Variants in TMEM237 observed in about 807,000 individuals in gnomAD.
TMEM237 encodes the protein transmembrane protein 237.
TMEM237 carries 51 observed loss-of-function variants against 59.1 expected under a neutral mutation model. The observed-to-expected ratio is 0.86, with a 90% CI of 0.69 to 1.09. TMEM237 has a LOEUF of 1.09. TMEM237 is among the 50% of genes least tolerant of loss of function. The pLI is 0.00. For missense variants in TMEM237, 475 were observed against 478.3 expected, an observed-to-expected ratio of 0.99 and a Z score of 0.06; for synonymous variants, 140 against 166.1, an observed-to-expected ratio of 0.84 and a Z score of 1.21.
rs975572783 is a variant in TMEM237, at chr2:201,635,111, C to T, written c.274+1637G>A. On this transcript the variant is annotated intron_variant, in intron 5 of 12. Transcript: ENST00000409883. The surrounding 1 kb of genome is among the most constrained non-coding windows in gnomAD (Gnocchi z 4.5). ...AAAATTTTAAAAATCATACTTCCTC[C>T]TTCTAAAACTTCTACCACTGTAACA... Among the ~76,000 whole-genome samples, 17 of 152,194 alleles carry T rather than the reference C, an allele frequency of 1.1e-4. No individual in the cohort carries two copies. Among genetic ancestry groups the T allele is most frequent in the African/African-American group, 3.9e-4 (16 of 41,536 alleles).
intron 2 of TMEM237, 103 bp from the exon 3 acceptor site, chr2:201,640,368 A>C: frequency 2.7e-6 from 3 of 1,114,396 alleles, no homozygotes; most frequent in Non-Finnish European, 3.7e-6. Context: ...AAATTGACTT[A>C]AATCATTACA....
Position 201,642,658 on chromosome 2 carries a change from C to T in TMEM237, c.42+701G>A, listed in dbSNP as rs1171330669. On this transcript the variant is annotated intron_variant, in intron 1 of 12. Transcript: ENST00000409883. Reference sequence around the variant, plus strand: ...TTTAGCCGGCCTCGGCGGCCGCCGGCCCCCAAGCACCTGGCGCCCCACCCC... The same window carrying T: ...TTTAGCCGGCCTCGGCGGCCGCCGGTCCCCAAGCACCTGGCGCCCCACCCC... The T allele has an allele frequency of 1.9e-6, 3 of 1,607,352 alleles. No homozygotes were observed. The African/African-American group carries it at 4.0e-5, about 22-fold the overall frequency.
In TMEM237 at chr2:201,641,072, G is replaced by C. The variant is rs964026780; in HGVS notation, c.43-148C>G. 36 of 572,322 alleles carry C rather than the reference G, an allele frequency of 6.3e-5. 2 individuals carry two copies. In the Admixed American group the frequency reaches 1.0e-3, roughly 16 times the overall value. The allele number at this position is 572,322 out of a possible 1,614,324, so 35.5% of individuals were successfully genotyped here. A position where few individuals can be genotyped will look rare whatever the true frequency, so the allele number is the denominator to read the frequency against. ...AACGGCACGATCTTGGCTCACTGCA[G>C]CTTCCATCTCCTGGGTTCAAGCAAT... On this transcript the variant is annotated intron_variant, in intron 1 of 12. Transcript: ENST00000409883.
intron 2 of TMEM237, 145 bp downstream of exon 2, chr2:201,640,748 C>T (rs535221692): frequency 1.6e-6 from 1 of 633,456 alleles, no homozygotes; most frequent in Admixed American, 3.2e-5. Context: ...GGATTTTTCA[C>T]CTTTAAAATT....
Position 201,621,017 on chromosome 2 carries a change from G to A in TMEM237, c.*3238C>T, listed in dbSNP as rs546598867. On this transcript the variant is annotated 3_prime_UTR_variant, in exon 13 of 13. Transcript: ENST00000409883. ...TCATTATTTCAGATTTATACTATGT[G>A]GTGTGTTAATTACTGCACCCCATGA... 6.6e-6 allele frequency: 1 copy of A among 152,240 alleles called. No individual in the cohort carries two copies. The highest frequency in any genetic ancestry group is 2.1e-4 in the South Asian group (1 of 4,822). 9.4% of individuals were successfully genotyped at this position (152,240 alleles called of 1,614,324 possible).
chr2:201,625,255 G>A (rs1197807774), intron 12 of TMEM237, among the ~76,000 whole-genome samples: 1 of 151,900 alleles, frequency 6.6e-6, no homozygotes, highest in African/African-American at 2.4e-5. Context: ...CCAGCTACTC[G>A]GGAGGCTGAG....
At chr2:201,639,838 T>C (rs1559590436) in intron 3 of TMEM237, among the ~76,000 whole-genome samples, 1 of 152,110 alleles carries the variant, frequency 6.6e-6, no homozygotes, top group Non-Finnish European at 1.5e-5. Context: ...GCTATATCAA[T>C]AGTAAAAAGG....
rs1457404937 is a variant in TMEM237, at chr2:201,629,812, G to C, written c.594C>G (p.Thr198=). Residue 198 remains threonine (T), a synonymous_variant, in exon 8 of 13, where the codon ACC becomes ACG. Transcript: ENST00000409883. Reference sequence around the variant, plus strand: ...CCATTGACACATCTATGTTTTCTGTGGTCTTTATCAACTCTGAACGATCAG... The same window carrying C: ...CCATTGACACATCTATGTTTTCTGTCGTCTTTATCAACTCTGAACGATCAG... The part of the protein sequence containing the change: ...QAADRSELIK[T]TENIDVSMDV... The C allele has an allele frequency of 6.2e-7, 1 of 1,612,978 alleles. No individual in the cohort carries two copies. Among genetic ancestry groups the C allele is most frequent in the South Asian group, 1.1e-5 (1 of 90,920 alleles).
intron 2 of TMEM237, among the ~76,000 whole-genome samples, chr2:201,640,595 T>C (rs193096189): frequency 6.6e-6 from 1 of 152,096 alleles, no homozygotes; most frequent in Non-Finnish European, 1.5e-5. Context: ...GAGGAAACTA[T>C]TCTCACAAAA....
rs796581088 is a variant in TMEM237, at chr2:201,622,826, A to G, written c.*1429T>C. On this transcript the variant is annotated 3_prime_UTR_variant, in exon 13 of 13. Transcript: ENST00000409883. ...TATGCAGCCTACCACAATCCCCCAC[A>G]TTGGCAGCAGCTTTCTCACATTTCT... is the stretch of plus-strand genomic sequence containing the variant. 7 of 153,468 alleles carry G rather than the reference A, an allele frequency of 4.6e-5. No individual in the cohort carries two copies. Among genetic ancestry groups the G allele is most frequent in the African/African-American group, 1.7e-4 (7 of 41,606 alleles). The allele number at this position is 153,468 out of a possible 1,614,324, so 9.5% of individuals were successfully genotyped here.
intron 1 of TMEM237, chr2:201,642,740 A>G (rs1687453103): frequency 5.4e-6 from 8 of 1,492,688 alleles, no homozygotes; most frequent in South Asian, 1.3e-5. Flanking sequence ...CCGCCTGGCT[A>G]GTACCCCGCG....
chr2:201,635,489 C>T lies in TMEM237; in HGVS notation c.274+1259G>A, dbSNP rs538803967. Reference sequence around the variant, plus strand: ...AGAAGCTAGAAGAAATGGCCAGGCGCGGTGGCTCACACCTGTAATCCCAGC... The same window carrying T: ...AGAAGCTAGAAGAAATGGCCAGGCGTGGTGGCTCACACCTGTAATCCCAGC... On this transcript the variant is annotated intron_variant, in intron 5 of 12. Coordinates refer to ENST00000409883, the MANE Select transcript of TMEM237 (RefSeq NM_001044385.3). This position sits in a 1 kb window ranked among gnomAD's most constrained non-coding sequence, Gnocchi z 4.5. Among the ~76,000 whole-genome samples the T allele has an allele frequency of 5.3e-5, 8 of 152,312 alleles. No individual in the cohort carries two copies. The highest frequency in any genetic ancestry group is 1.0e-4 in the Non-Finnish European group (7 of 68,022).
Position 201,626,062 on chromosome 2 carries a change from A to G in TMEM237, c.1123T>C (p.Phe375Leu), listed in dbSNP as rs1182786689. 5.0e-6 allele frequency: 8 copies of G among 1,601,626 alleles called. No homozygotes were observed. The highest frequency in any genetic ancestry group is 5.1e-6 in the Non-Finnish European group (6 of 1,173,484). The change falls in exon 12 of 13, where the codon TTT becomes CTT. Residue 375 changes from phenylalanine to leucine, a missense_variant. Coordinates refer to ENST00000409883, the MANE Select transcript of TMEM237 (RefSeq NM_001044385.3). ...TCCATGCCTGGCCTATAAGACAAAA[A>G]TAGCCAAGATAATCCAACCAGAAGA... Reference protein sequence around the residue: ...VALLVGLSWLFLSYRPGMDLS... With the variant: ...VALLVGLSWLLLSYRPGMDLS...
chr2:201,642,509 G>C lies in TMEM237; in HGVS notation c.42+850C>G, dbSNP rs2241135. The C allele has an allele frequency of 0.02, 26,948 of 1,364,500 alleles. 2,069 individuals are homozygous for C. The East Asian group carries it at 0.21, about 11-fold the overall frequency. 84.5% of individuals were successfully genotyped at this position (1,364,500 alleles called of 1,614,324 possible). ...ATTTCAAAAGTCCCGCAAAAATGAC[G>C]TTCCACCCACCCAGAGACCCAACCT... On this transcript the variant is annotated intron_variant, in intron 1 of 12. Coordinates refer to ENST00000409883, the MANE Select transcript of TMEM237 (RefSeq NM_001044385.3).
intron 11 of TMEM237, chr2:201,626,418 CTTCCAACTA>C: frequency 4.0e-6 from 1 of 251,350 alleles, no homozygotes. Flanking sequence ...AAAAGTTTTC[CTTCCAACTA>C]CCATGACATT....
At position 201,632,112 on chromosome 2, in the gene TMEM237, A is replaced by G. The variant is rs1957812945; in HGVS notation, c.492T>C (p.Ser164=). ...TDEQTTVEQQ[S]VFTAPTGISQ... is the part of the protein sequence containing the mutation. ...TAATGCCAGTGGGTGCAGTGAATACAGACTGCTGTTCCACAGTAGTTTGCT... is the reference window on the plus strand; with the variant it reads ...TAATGCCAGTGGGTGCAGTGAATACGGACTGCTGTTCCACAGTAGTTTGCT... The change falls in exon 7 of 13, where the codon TCT becomes TCC. Residue 164 remains serine, a synonymous_variant. Transcript: ENST00000409883. The G allele has an allele frequency of 1.9e-6, 3 of 1,613,862 alleles. No individual in the cohort carries two copies. The South Asian group carries it at 3.3e-5, about 18-fold the overall frequency.
Position 201,643,437 on chromosome 2 carries a change from C to T in TMEM237, c.-37G>A, listed in dbSNP as rs1327085131. On this transcript the variant is annotated 5_prime_UTR_variant, in exon 1 of 13. Coordinates refer to ENST00000409883, the MANE Select transcript of TMEM237 (RefSeq NM_001044385.3). This position sits in a 1 kb window ranked among gnomAD's most constrained non-coding sequence, Gnocchi z 4.3. Reference sequence around the variant, plus strand: ...CGCGGGGCTGCCCCGGCGCAACCGCCGGCGGCCCGAGCCCAGCTCCCCGCG... The same window carrying T: ...CGCGGGGCTGCCCCGGCGCAACCGCTGGCGGCCCGAGCCCAGCTCCCCGCG... 2.7e-6 allele frequency: 4 copies of T among 1,473,508 alleles called. No individual in the cohort carries two copies. In the African/African-American group the frequency reaches 4.4e-5, roughly 16 times the overall value. 91.3% of individuals were successfully genotyped at this position (1,473,508 alleles called of 1,614,324 possible).
At chr2:201,625,178 T>C (rs1449393905) in intron 12 of TMEM237, among the ~76,000 whole-genome samples, 1 of 151,992 alleles carries the variant, frequency 6.6e-6, no homozygotes, top group Non-Finnish European at 1.5e-5. Context: ...CTGGCTAACA[T>C]GGTGAAACCC....
intron 12 of TMEM237, among the ~76,000 whole-genome samples, chr2:201,625,340 C>T (rs1012495715): frequency 7.3e-5 from 11 of 150,498 alleles, no homozygotes; most frequent in Admixed American, 6.6e-5. Flanking sequence ...CTGACCTGGG[C>T]GACACAGCGA....
Sources: gnomAD v4.1 joint callset for allele counts (sites outside exome capture counted in the v4.1 genomes callset) on GRCh38, gnomAD v4.1.1 for gene constraint, Gnocchi (gnomAD v3.1) non-coding constraint, MANE v1.5 for transcripts, NCBI Gene and HGNC (gene_info 2026-07-23, HGNC 2026-07-21) for gene names.